CACNA2D3: variants seen among roughly 807,000 people sequenced by gnomAD.
CACNA2D3 encodes the protein calcium voltage-gated channel auxiliary subunit alpha2delta 3.
Under a neutral mutation model 160.6 loss-of-function variants are expected in CACNA2D3, and 60 were observed. That is an observed-to-expected ratio of 0.37 (90% CI 0.30 to 0.46). CACNA2D3 has a LOEUF of 0.46. Among genes scored for constraint, CACNA2D3 ranks in the 20% least tolerant of loss-of-function variants. The probability of loss-of-function intolerance (pLI) is 1.00; values close to 1 mark genes in which losing one functional copy is unlikely to be tolerated. For synonymous variants in CACNA2D3, 558 were observed against 492.9 expected (o/e 1.13, Z -1.75); for missense variants, 1,205 against 1,365.0 (o/e 0.88, Z 1.85).
chr3:54,661,034 T>C (rs941272919), intron 11 of CACNA2D3, among the ~76,000 whole-genome samples: 5 of 152,148 alleles, frequency 3.3e-5, no homozygotes, highest in Admixed American at 2.0e-4. Flanking sequence ...CCGAGCCTTA[T>C]TGGGAAGCAA....
Position 54,642,126 on chromosome 3 carries a change from A to G in CACNA2D3, c.1054-2A>G. ...CTATTTTGAACTTATTTCTTTCCCT[A>G]GTTCAACCACACGGGACAAGGAAGT... On this transcript the variant is annotated splice_acceptor_variant, in intron 10 of 37. Transcript: ENST00000474759. LOFTEE classifies it high-confidence loss of function. The G allele has an allele frequency of 6.3e-7, 1 of 1,597,236 alleles. No homozygotes were observed. The highest frequency in any genetic ancestry group is 8.6e-7 in the Non-Finnish European group (1 of 1,167,794).
At chr3:54,572,871 A>C (rs535561433) in intron 8 of CACNA2D3, among the ~76,000 whole-genome samples, 1 of 152,356 alleles carries the variant, frequency 6.6e-6, no homozygotes, top group South Asian at 2.1e-4. Flanking sequence ...AGAGCTAACT[A>C]ATTACATCCT....
chr3:54,806,550 A>G (rs1559588929), intron 13 of CACNA2D3, among the ~76,000 whole-genome samples: 4 of 151,798 alleles, frequency 2.6e-5, no homozygotes, highest in African/African-American at 9.7e-5. Context: ...AATGAAATAA[A>G]AGAGGATACA....
At chr3:54,794,081 A>G (rs557973224) in intron 13 of CACNA2D3, among the ~76,000 whole-genome samples, 1 of 152,256 alleles carries the variant, frequency 6.6e-6, no homozygotes, top group East Asian at 1.9e-4. Context: ...TCTTTCCTTG[A>G]TATATAAGAG....
rs571614241 is a variant in CACNA2D3, at chr3:54,812,496, G to A, written c.1381-4357G>A. Among the ~76,000 whole-genome samples the A allele has an allele frequency of 9.2e-5, 14 of 152,312 alleles. No homozygotes were observed. The South Asian group carries it at 2.7e-3, about 29-fold the overall frequency. ...GACAGAACAAATGTCTGTGACCAGA[G>A]AGAGCACGGACAGTCTTCATGTTGC... On this transcript the variant is annotated intron_variant, in intron 13 of 37. Coordinates refer to ENST00000474759, the MANE Select transcript of CACNA2D3 (RefSeq NM_018398.3).
At chr3:54,904,302 A>C (rs907949857) in intron 27 of CACNA2D3, among the ~76,000 whole-genome samples, 1 of 152,184 alleles carries the variant, frequency 6.6e-6, no homozygotes, top group Non-Finnish European at 1.5e-5. Context: ...CACCGCATCT[A>C]CCATATCAGG....
chr3:54,365,540 G>A (rs1484338616), intron 3 of CACNA2D3, among the ~76,000 whole-genome samples: 1 of 152,104 alleles, frequency 6.6e-6, no homozygotes, highest in Non-Finnish European at 1.5e-5. Context: ...ATGACTGTAT[G>A]CCAGGGGCTG....
At chr3:54,464,738 A>C (rs562244441) in intron 4 of CACNA2D3, among the ~76,000 whole-genome samples, 1 of 152,206 alleles carries the variant, frequency 6.6e-6, no homozygotes, top group African/African-American at 2.4e-5. Flanking sequence ...GAGTGAGGCA[A>C]TGCCTCGCCG....
At chr3:54,468,285 G>T (rs1700664536) in intron 4 of CACNA2D3, among the ~76,000 whole-genome samples, 1 of 152,212 alleles carries the variant, frequency 6.6e-6, no homozygotes, top group Non-Finnish European at 1.5e-5. Context: ...TGGAGGGTGA[G>T]CTGAAGCAGA....
chr3:54,225,074 G>A (rs1224265397), intron 2 of CACNA2D3, among the ~76,000 whole-genome samples: 3 of 151,548 alleles, frequency 2.0e-5, no homozygotes, highest in Non-Finnish European at 4.4e-5. Context: ...ATTTACATTA[G>A]GTATATCTCC....
intron 9 of CACNA2D3, among the ~76,000 whole-genome samples, chr3:54,622,210 GGGTT>G (rs1319782285): frequency 6.6e-6 from 1 of 152,164 alleles, no homozygotes; most frequent in Non-Finnish European, 1.5e-5. Context: ...CTTGTCTCAG[GGGTT>G]CAGTTGGTAA....
At chr3:54,820,991 C>T (rs1426042178) in intron 14 of CACNA2D3, among the ~76,000 whole-genome samples, 6 of 152,116 alleles carry the variant, frequency 3.9e-5, no homozygotes, top group East Asian at 3.9e-4. Flanking sequence ...AGAGTGGGCC[C>T]GAATGTTTAA....
chr3:54,954,524 G>A (rs1168213256), intron 27 of CACNA2D3, among the ~76,000 whole-genome samples: 4 of 152,184 alleles, frequency 2.6e-5, no homozygotes, highest in Non-Finnish European at 5.9e-5. Flanking sequence ...TTTCTGTCGG[G>A]GTCTACCAGC....
At chr3:54,488,641 G>C (rs140981751) in intron 4 of CACNA2D3, among the ~76,000 whole-genome samples, 10 of 152,172 alleles carry the variant, frequency 6.6e-5, no homozygotes, top group Non-Finnish European at 1.2e-4. Context: ...TTGCTGAGGT[G>C]GGACACTCCC....
intron 2 of CACNA2D3, among the ~76,000 whole-genome samples, chr3:54,135,410 A>G (rs1205746655): frequency 2.0e-5 from 3 of 152,078 alleles, no homozygotes; most frequent in African/African-American, 7.2e-5. Flanking sequence ...TTTTATTTGC[A>G]TTTGCATCCT....
At chr3:54,842,003 C>G (rs934559306) in intron 16 of CACNA2D3, among the ~76,000 whole-genome samples, 2 of 152,200 alleles carry the variant, frequency 1.3e-5, no homozygotes, top group African/African-American at 4.8e-5. Flanking sequence ...AAGACTGGTT[C>G]TATTTTGGAT....
At chr3:54,176,482 T>C (rs1700680429) in intron 2 of CACNA2D3, among the ~76,000 whole-genome samples, 1 of 152,214 alleles carries the variant, frequency 6.6e-6, no homozygotes, top group Non-Finnish European at 1.5e-5. Context: ...GGTGGCCAAT[T>C]TGTGCATTTT....
At chr3:54,959,978 A>C (rs902304224) in intron 27 of CACNA2D3, among the ~76,000 whole-genome samples, 4 of 151,982 alleles carry the variant, frequency 2.6e-5, no homozygotes, top group Admixed American at 1.3e-4. Flanking sequence ...TTCAACATCA[A>C]TCCAGTCAAG....
At chr3:54,400,363 A>C (rs1357971470) in intron 4 of CACNA2D3, among the ~76,000 whole-genome samples, 1 of 151,740 alleles carries the variant, frequency 6.6e-6, no homozygotes, top group Non-Finnish European at 1.5e-5. Flanking sequence ...TGCCAAAATA[A>C]GCTCATGAAA....
Sources: allele counts gnomAD v4.1 joint callset (sites outside exome capture counted in the v4.1 genomes callset), GRCh38; gene constraint gnomAD v4.1.1; transcripts MANE v1.5; gene names NCBI Gene and HGNC (gene_info 2026-07-23, HGNC 2026-07-21).